The following AFF3 variants were observed in gnomAD, a reference collection of about 807,000 sequenced individuals.
The protein encoded by AFF3 is ALF transcription elongation factor 3, also known as AF4/FMR2 family member 3.
Under a neutral mutation model 129.7 loss-of-function variants are expected in AFF3, and 32 were observed. The observed-to-expected ratio is 0.25, with a 90% confidence interval of 0.19 to 0.33. The LOEUF (loss-of-function observed/expected upper bound fraction) is 0.33. Ranked by LOEUF, AFF3 falls within the 10% of genes least tolerant of loss-of-function variation. AFF3 has a pLI of 1.00. For synonymous variants in AFF3, 644 were observed against 635.4 expected, an observed-to-expected ratio of 1.01 and a Z score of -0.20; for missense variants, 1,373 against 1,592.0, an observed-to-expected ratio of 0.86 and a Z score of 2.34.
chr2:99,862,622 C>T (rs190815462), intron 7 of AFF3, among the ~76,000 whole-genome samples: 43 of 152,374 alleles, frequency 2.8e-4, no homozygotes, highest in Admixed American at 1.2e-3. Context: ...TTCCACATTC[C>T]TAGCTTGTTC....
At chr2:99,960,072 C>G (rs1160959396) in intron 7 of AFF3, among the ~76,000 whole-genome samples, 1 of 151,954 alleles carries the variant, frequency 6.6e-6, no homozygotes, top group Non-Finnish European at 1.5e-5. Context: ...ATAAGGTAAA[C>G]AGATTTGTAA....
intron 13 of AFF3, among the ~76,000 whole-genome samples, chr2:99,642,146 G>A (rs1484145580): frequency 6.6e-6 from 1 of 152,246 alleles, no homozygotes; most frequent in Non-Finnish European, 1.5e-5. Flanking sequence ...TGAGGGGGCA[G>A]GAGAGGGAGG....
chr2:100,062,952 C>A (rs1687415977), intron 4 of AFF3, among the ~76,000 whole-genome samples: 2 of 152,034 alleles, frequency 1.3e-5, no homozygotes, highest in South Asian at 4.2e-4. Flanking sequence ...AAGTGACTAT[C>A]AAAAATGACC....
At chr2:99,728,597 GAC>G (rs918864093) in intron 10 of AFF3, among the ~76,000 whole-genome samples, 8 of 152,168 alleles carry the variant, frequency 5.3e-5, no homozygotes, top group African/African-American at 1.9e-4. Context: ...AGAAAAAGAA[GAC>G]ACAGTTTCTA....
chr2:99,643,709 C>A (rs570237016), intron 13 of AFF3, among the ~76,000 whole-genome samples: 1 of 152,304 alleles, frequency 6.6e-6, no homozygotes, highest in Non-Finnish European at 1.5e-5. Flanking sequence ...AATCCAACCC[C>A]CTACACTGCC....
intron 4 of AFF3, among the ~76,000 whole-genome samples, chr2:100,042,615 T>C (rs1391381409): frequency 6.6e-6 from 1 of 152,042 alleles, no homozygotes; most frequent in East Asian, 1.9e-4. Context: ...GAAAAAAAAA[T>C]TTAGCAGCTG....
At chr2:99,976,536 T>C (rs1457636801) in intron 7 of AFF3, among the ~76,000 whole-genome samples, 2 of 152,190 alleles carry the variant, frequency 1.3e-5, no homozygotes, top group African/African-American at 4.8e-5. Context: ...TTGGCAAAGG[T>C]AAGGAATCCT....
At chr2:100,002,673 C>T (rs552002211) in intron 7 of AFF3, among the ~76,000 whole-genome samples, 3 of 152,324 alleles carry the variant, frequency 2.0e-5, no homozygotes, top group African/African-American at 7.2e-5. Flanking sequence ...CTCCTGGCTT[C>T]CTCTGCTCTC....
intron 10 of AFF3, among the ~76,000 whole-genome samples, chr2:99,738,411 T>A (rs1419261305): frequency 6.6e-6 from 1 of 152,168 alleles, no homozygotes; most frequent in Non-Finnish European, 1.5e-5. Context: ...ATCATATTTT[T>A]AATTCTCAAG....
chr2:99,572,578 A>G (rs1460947971), intron 18 of AFF3: 1 of 455,750 alleles, frequency 2.2e-6, no homozygotes, highest in Admixed American at 2.4e-5. Flanking sequence ...TCGGCGCGGC[A>G]GAAATTGGAT....
At chr2:100,133,049 C>A (rs1203509155) in intron 1 of AFF3, among the ~76,000 whole-genome samples, 1 of 151,558 alleles carries the variant, frequency 6.6e-6, no homozygotes, top group Non-Finnish European at 1.5e-5. Flanking sequence ...CCACCTCAGC[C>A]TCCCAACAGC....
chr2:100,034,426 C>A (rs930940424), intron 4 of AFF3, among the ~76,000 whole-genome samples: 2 of 152,070 alleles, frequency 1.3e-5, no homozygotes. Context: ...TACTCCAATC[C>A]TCAGTTTTCA....
intron 7 of AFF3, among the ~76,000 whole-genome samples, chr2:99,999,080 C>CTT (rs1431314300): frequency 2.6e-5 from 4 of 152,144 alleles, no homozygotes; most frequent in Non-Finnish European, 5.9e-5. Flanking sequence ...CGGGGAAGGA[C>CTT]TTCTGCTCAT....
chr2:99,853,745 T>C (rs2105882814), intron 7 of AFF3, among the ~76,000 whole-genome samples: 1 of 152,360 alleles, frequency 6.6e-6, no homozygotes, highest in East Asian at 1.9e-4. Flanking sequence ...ACTGCTATTA[T>C]ATGCAACAAT....
intron 11 of AFF3, among the ~76,000 whole-genome samples, chr2:99,715,057 C>T (rs1235479972): frequency 1.3e-5 from 2 of 152,202 alleles, no homozygotes; most frequent in African/African-American, 4.8e-5. Context: ...ATTCTTCAGC[C>T]TCCTGCAGGA....
At chr2:99,956,332 G>A (rs149050568) in intron 7 of AFF3, among the ~76,000 whole-genome samples, 121 of 152,244 alleles carry the variant, frequency 7.9e-4, no homozygotes, top group African/African-American at 2.7e-3. Flanking sequence ...CTTTATTGAC[G>A]TGGGGGAAAA....
intron 7 of AFF3, among the ~76,000 whole-genome samples, chr2:99,902,932 T>C (rs1213613464): frequency 6.6e-6 from 1 of 152,156 alleles, no homozygotes; most frequent in East Asian, 1.9e-4. Flanking sequence ...TTCAAATTTT[T>C]CTTTCTCTTT....
chr2:99,961,774 A>C (rs1677233126), intron 7 of AFF3, among the ~76,000 whole-genome samples: 1 of 152,164 alleles, frequency 6.6e-6, no homozygotes, highest in Admixed American at 6.5e-5. Flanking sequence ...CGGACCTGGC[A>C]TTTCCCAACC....
At chr2:99,864,104 C>T (rs1021928494) in intron 7 of AFF3, among the ~76,000 whole-genome samples, 4 of 152,230 alleles carry the variant, frequency 2.6e-5, no homozygotes, top group Non-Finnish European at 4.4e-5. Context: ...GCTTACTAAT[C>T]TCAGCCACTG....
Sources: gnomAD v4.1 joint callset for allele counts (sites outside exome capture counted in the v4.1 genomes callset) on GRCh38, gnomAD v4.1.1 for gene constraint, MANE v1.5 for transcripts, NCBI Gene and HGNC (gene_info 2026-07-23, HGNC 2026-07-21) for gene names.